The following TCF3 variants were observed in gnomAD, a reference collection of about 807,000 sequenced individuals.
TCF3 encodes transcription factor 3.
A neutral mutation model predicts 72.3 loss-of-function variants in TCF3; 54 were observed. The ratio of observed to expected loss-of-function variants is 0.75; its 90% CI spans 0.60 to 0.94. The LOEUF is 0.94. Among genes scored for constraint, TCF3 ranks in the 40% least tolerant of loss-of-function variants. The pLI is 0.00. For missense variants in TCF3, 1,078 were observed against 934.4 expected (o/e 1.15, Z -2.00); for synonymous variants, 525 against 412.6 (o/e 1.27, Z -3.30).
At position 1,622,319 on chromosome 19, in the gene TCF3, C is replaced by T. The variant is rs774052015; in HGVS notation, c.646G>A (p.Val216Met). 1.2e-5 allele frequency: 18 copies of T among 1,529,894 alleles called. No homozygotes were observed. In the East Asian group the frequency reaches 1.4e-4, roughly 12 times the overall value. The allele number at this position is 1,529,894 out of a possible 1,614,324, so 94.8% of individuals were successfully genotyped here. ...PSSTYPAPFY[V>M]ADGSLHPSAE... ...CCCCCGCCCTGCCATGTACCTGCCACGTAGAAGGGGGCGGGATAGGTGCTG... is the reference window on the plus strand; with the variant it reads ...CCCCCGCCCTGCCATGTACCTGCCATGTAGAAGGGGGCGGGATAGGTGCTG... The change falls in exon 9 of 19, where the codon GTG (valine) becomes ATG (methionine). Residue 216 changes from valine (V) to methionine (M), a missense_variant. Physicochemically the swap from Val to Met is conservative, Grantham distance 21 (BLOSUM62 1). Coordinates refer to ENST00000262965, the MANE Select transcript of TCF3 (RefSeq NM_003200.5).
rs2061505867 is a variant in TCF3, at chr19:1,615,926, G to C, written c.1451-105C>G. 2 of 1,383,640 alleles carry C rather than the reference G, an allele frequency of 1.4e-6. No homozygotes were observed. Among genetic ancestry groups the C allele is most frequent in the Non-Finnish European group, 1.9e-6 (2 of 1,048,566 alleles). The allele number at this position is 1,383,640 out of a possible 1,614,324, so 85.7% of individuals were successfully genotyped here. On this transcript the variant is annotated intron_variant, in intron 16 of 18. Coordinates refer to ENST00000262965, the MANE Select transcript of TCF3 (RefSeq NM_003200.5). This position sits in a 1 kb window ranked among gnomAD's most constrained non-coding sequence, Gnocchi z 7.3. Reference sequence around the variant, plus strand: ...GACTTGGGCTTTCCTGGAAAAACCAGGTCTTGGCCAAAAATAAAAACAAAA... The same window carrying C: ...GACTTGGGCTTTCCTGGAAAAACCACGTCTTGGCCAAAAATAAAAACAAAA...
At chr19:1,619,633 ATG>A in intron 14 of TCF3, 145 bp downstream of exon 14, 3 of 1,255,632 alleles carry the variant, frequency 2.4e-6, no homozygotes, top group Middle Eastern at 2.7e-4. Context: ...CACACACAAA[ATG>A]TGTGTGCCTT....
chr19:1,646,130 C>T (rs749346918), intron 3 of TCF3, among the ~76,000 whole-genome samples: 7 of 152,122 alleles, frequency 4.6e-5, no homozygotes, highest in African/African-American at 1.2e-4. Flanking sequence ...GCGGGAGGGA[C>T]GAGGGGACGA....
At position 1,614,185 on chromosome 19, in the gene TCF3, G is replaced by A. The variant is rs1052246977; in HGVS notation, c.1822+1100C>T. On this transcript the variant is annotated intron_variant, in intron 18 of 18. Coordinates refer to ENST00000262965, the MANE Select transcript of TCF3 (RefSeq NM_003200.5). The surrounding 1 kb of genome is among the most constrained non-coding windows in gnomAD (Gnocchi z 5.6). ...CTGGTGCCCTGTCTTAGTCTCTAGG[G>A]GGCTGCCTCACCCACTTGCCTGCCC... is the stretch of plus-strand genomic sequence containing the variant. Among the ~76,000 whole-genome samples, 1 of 152,216 alleles carries A rather than the reference G, an allele frequency of 6.6e-6. No homozygotes were observed. Among genetic ancestry groups the A allele is most frequent in the African/African-American group, 2.4e-5 (1 of 41,452 alleles).
At chr19:1,632,277 C>T (rs1453818918) in intron 4 of TCF3, 55 bp downstream of exon 4, 9 of 1,549,638 alleles carry the variant, frequency 5.8e-6, no homozygotes, top group Admixed American at 2.0e-5. Flanking sequence ...ACACCCCTCG[C>T]CCCCAACTCT....
chr19:1,646,308 C>A (rs2145621257), intron 3 of TCF3, 47 bp downstream of exon 3: 1 of 1,537,480 alleles, frequency 6.5e-7, no homozygotes, highest in South Asian at 1.2e-5. Flanking sequence ...TCAACAGACC[C>A]TTGATCTCCT....
At chr19:1,618,612 C>T (rs554650415) in intron 16 of TCF3, among the ~76,000 whole-genome samples, 9 of 152,052 alleles carry the variant, frequency 5.9e-5, no homozygotes, top group East Asian at 1.9e-4. Context: ...GCCTGGGCTG[C>T]GCCCTCTGCC....
chr19:1,617,852 A>G (rs1271179470), intron 16 of TCF3, among the ~76,000 whole-genome samples: 2 of 152,046 alleles, frequency 1.3e-5, no homozygotes, highest in Non-Finnish European at 2.9e-5. Context: ...CACCCACTCC[A>G]TGCCAGGAGC....
At chr19:1,622,010 C>T (rs1225845458) in intron 10 of TCF3, 40 bp from the exon 11 acceptor site, 1 of 1,596,446 alleles carries the variant, frequency 6.3e-7, no homozygotes, top group Non-Finnish European at 8.5e-7. Flanking sequence ...TAGATGGGCA[C>T]TGCCACCCTC....
Position 1,618,872 on chromosome 19 carries a change from C to T in TCF3, c.1450+239G>A, listed in dbSNP as rs569427150. ...GTGCTGAGCGCTGCCAGGCACACAG[C>T]GTCTGGGAGCAGGCGAATGAAGAGG... On this transcript the variant is annotated intron_variant, in intron 16 of 18. Coordinates refer to ENST00000262965, the MANE Select transcript of TCF3 (RefSeq NM_003200.5). Among the ~76,000 whole-genome samples, 56 of 152,312 alleles carry T rather than the reference C, an allele frequency of 3.7e-4. 1 individual carries two copies. In the South Asian group the frequency reaches 0.01, roughly 28 times the overall value.
Position 1,621,841 on chromosome 19 carries a change from G to C in TCF3, c.952C>G (p.Leu318Val). The change falls in exon 11 of 19, where the codon CTG (leucine) becomes GTG (valine). Residue 318 changes from leucine to valine, a missense_variant. Leu to Val is a conservative substitution (Grantham distance 32, BLOSUM62 1). Transcript: ENST00000262965. ...GCATCCCAGGGAGGGGCCATACCCA[G>C]GAGGCTGTCGGCCCCGCTGACAGGC... ...TPPVSGADSL[L>V]GSRGTTAGSS... is the part of the protein sequence containing the mutation. The C allele has an allele frequency of 6.3e-7, 1 of 1,588,104 alleles. No homozygotes were observed. The highest frequency in any genetic ancestry group is 8.6e-7 in the Non-Finnish European group (1 of 1,168,706).
At chr19:1,639,926 T>C (rs1196751840) in intron 3 of TCF3, among the ~76,000 whole-genome samples, 2 of 151,842 alleles carry the variant, frequency 1.3e-5, no homozygotes, top group East Asian at 1.9e-4. Context: ...CCAAAAACTT[T>C]AGAAAGAGAA....
chr19:1,614,365 G>T lies in TCF3; in HGVS notation c.1822+920C>A, dbSNP rs1213505918. Among the ~76,000 whole-genome samples, 1 of 152,334 alleles carries T rather than the reference G, an allele frequency of 6.6e-6. No homozygotes were observed. Among genetic ancestry groups the T allele is most frequent in the African/African-American group, 2.4e-5 (1 of 41,580 alleles). ...GCCCTGACGGGGGGCTTTGGGGGAG[G>T]AAACGCCCTGAGGTTGCAGCCCAGC... is the stretch of plus-strand genomic sequence containing the variant. On this transcript the variant is annotated intron_variant, in intron 18 of 18. Transcript: ENST00000262965. The surrounding 1 kb of genome is among the most constrained non-coding windows in gnomAD (Gnocchi z 5.6).
In TCF3 at chr19:1,615,334, G is replaced by A. The variant is rs2061439876; in HGVS notation, c.1773C>T (p.Ile591=). ...GGATGACCGAGACAGCCTGGTGCAG[G>A]ATGAGCAGTTTGGTCTGGGGCTTCT... ...NSEKPQTKLL[I]LHQAVSVILN... The change falls in exon 18 of 19, where the codon ATC becomes ATT. Residue 591 remains isoleucine (I), a synonymous_variant. Coordinates refer to ENST00000262965, the MANE Select transcript of TCF3 (RefSeq NM_003200.5). The surrounding 1 kb of genome is among the most constrained non-coding windows in gnomAD (Gnocchi z 7.3). 14 of 1,611,966 alleles carry A rather than the reference G, an allele frequency of 8.7e-6. No homozygotes were observed. The highest frequency in any genetic ancestry group is 1.3e-5 in the African/African-American group (1 of 74,890).
chr19:1,647,241 C>G (rs953150253), intron 2 of TCF3, among the ~76,000 whole-genome samples: 6 of 152,044 alleles, frequency 3.9e-5, no homozygotes, highest in Non-Finnish European at 1.5e-5. Flanking sequence ...GAAAAGCCAA[C>G]GGCAACAAAC....
At chr19:1,644,860 G>C (rs28444150) in intron 3 of TCF3, among the ~76,000 whole-genome samples, 1 of 152,024 alleles carries the variant, frequency 6.6e-6, no homozygotes, top group African/African-American at 2.4e-5. Context: ...CAGGAGAATG[G>C]GGGTGGACGG....
chr19:1,650,648 T>C (rs974479083), intron 1 of TCF3: 1 of 246,256 alleles, frequency 4.1e-6, no homozygotes, highest in Non-Finnish European at 7.8e-6. Flanking sequence ...CTCTCTCATT[T>C]CCAACCAACC....
intron 2 of TCF3, among the ~76,000 whole-genome samples, chr19:1,647,966 C>T (rs1014053371): frequency 1.3e-5 from 2 of 152,276 alleles, no homozygotes; most frequent in African/African-American, 4.8e-5. Context: ...CCAACAGCCT[C>T]GGTCCTAGGG....
At position 1,615,634 on chromosome 19, in the gene TCF3, A is replaced by G. The variant is rs1362695633; in HGVS notation, c.1586+52T>C. 7.6e-7 allele frequency: 1 copy of G among 1,307,320 alleles called. No individual in the cohort carries two copies. Among genetic ancestry groups the G allele is most frequent in the Non-Finnish European group, 1.0e-6 (1 of 967,332 alleles). The allele number at this position is 1,307,320 out of a possible 1,614,324, so 81.0% of individuals were successfully genotyped here. On this transcript the variant is annotated intron_variant, in intron 17 of 18. Coordinates refer to ENST00000262965, the MANE Select transcript of TCF3 (RefSeq NM_003200.5). This position sits in a 1 kb window ranked among gnomAD's most constrained non-coding sequence, Gnocchi z 7.3. ...TGCGGTGTGCGTGTGGCCTGTGCAC[A>G]TGTGCGTCCTGATGGGGTGAGGGTG...
Sources: gnomAD v4.1 joint callset for allele counts (sites outside exome capture counted in the v4.1 genomes callset) on GRCh38, gnomAD v4.1.1 for gene constraint, Gnocchi (gnomAD v3.1) non-coding constraint, MANE v1.5 for transcripts, NCBI Gene and HGNC (gene_info 2026-07-23, HGNC 2026-07-21) for gene names.